Variants in CDHR2 observed in about 807,000 individuals in gnomAD.
CDHR2 encodes the protein cadherin-related family member 2.
In CDHR2, 104 loss-of-function variants were observed where a neutral mutation model predicts 138.6. The ratio of observed to expected loss-of-function variants is 0.75; its 90% CI spans 0.64 to 0.88. The LOEUF (loss-of-function observed/expected upper bound fraction) is 0.88. Among genes scored for constraint, CDHR2 ranks in the 40% least tolerant of loss-of-function variants. The pLI, the probability that CDHR2 is intolerant of heterozygous loss-of-function variation, is 0.00. For synonymous variants in CDHR2, 755 were observed against 742.8 expected (o/e 1.02, Z -0.27); for missense variants, 1,624 against 1,727.6 (o/e 0.94, Z 1.06).
chr5:176,562,902 A>G (rs548139789), intron 1 of CDHR2, among the ~76,000 whole-genome samples: 5 of 152,326 alleles, frequency 3.3e-5, no homozygotes, highest in Admixed American at 2.6e-4. Flanking sequence ...TAACATGTAA[A>G]TGTATTACAA....
chr5:176,582,053 CT>C (rs1168570651), intron 17 of CDHR2, among the ~76,000 whole-genome samples: 5 of 152,184 alleles, frequency 3.3e-5, no homozygotes, highest in Admixed American at 2.0e-4. Flanking sequence ...CAGGGTCTCC[CT>C]TTGTCACCCA....
Position 176,581,389 on chromosome 5 carries a change from T to G in CDHR2, c.1865T>G (p.Phe622Cys). Residue 622 changes from phenylalanine (F) to cysteine (C), a missense_variant, in exon 17 of 32, where the codon TTC (phenylalanine) becomes TGC (cysteine). Physicochemically the swap from Phe to Cys is radical, Grantham distance 205. This residue lies in a region of CDHR2 where 1,061 missense variants were observed against 1,136.6 expected (regional missense o/e 0.93). Coordinates refer to ENST00000261944, the MANE Select transcript of CDHR2 (RefSeq NM_017675.6). ...EPGTNNSRLL[F>C]NLLPGPYSHN... ...GGCACCAACAACAGCCGTCTGCTCT[T>G]CAACCTGCTGCCTGGCCCCTACAGC... The G allele has an allele frequency of 6.2e-7, 1 of 1,614,066 alleles. No individual in the cohort carries two copies. The highest frequency in any genetic ancestry group is 8.5e-7 in the Non-Finnish European group (1 of 1,180,026).
chr5:176,591,349 A>G, intron 29 of CDHR2, 26 bp downstream of exon 29: 1 of 1,611,246 alleles, frequency 6.2e-7, no homozygotes, highest in Non-Finnish European at 8.5e-7. Flanking sequence ...AGGGTAGGTA[A>G]GAGGCCTGGT....
chr5:176,571,164 G>A (rs1176016773), intron 5 of CDHR2, 49 bp from the exon 6 acceptor site: 1 of 1,289,318 alleles, frequency 7.8e-7, no homozygotes, highest in Non-Finnish European at 1.1e-6. Flanking sequence ...AACTTTTCTG[G>A]TGTTTTAAAT....
chr5:176,573,367 C>T (rs757896202), intron 6 of CDHR2, among the ~76,000 whole-genome samples: 11 of 152,036 alleles, frequency 7.2e-5, no homozygotes, highest in East Asian at 3.9e-4. Context: ...TGGCTGGGCA[C>T]GGTGGCTCAC....
chr5:176,594,104 T>C (rs1231930847), intron 31 of CDHR2, among the ~76,000 whole-genome samples: 4 of 152,070 alleles, frequency 2.6e-5, no homozygotes, highest in South Asian at 2.1e-4. Context: ...GCTGGATCTG[T>C]GGACTGGGAA....
intron 1 of CDHR2, among the ~76,000 whole-genome samples, chr5:176,555,388 G>A (rs865954167): frequency 7.9e-5 from 12 of 152,336 alleles, no homozygotes; most frequent in Middle Eastern, 3.4e-3. Flanking sequence ...ACTTTCAGCT[G>A]TGAGGGCCTC....
intron 31 of CDHR2, among the ~76,000 whole-genome samples, chr5:176,594,229 T>A (rs1758962040): frequency 6.6e-6 from 1 of 152,016 alleles, no homozygotes; most frequent in Non-Finnish European, 1.5e-5. Flanking sequence ...GTTGCTATAT[T>A]TCTGAGAAGC....
chr5:176,575,550 C>T lies in CDHR2; in HGVS notation c.813C>T (p.Gly271=). 2 of 1,614,130 alleles carry T rather than the reference C, an allele frequency of 1.2e-6. No homozygotes were observed. Among genetic ancestry groups the T allele is most frequent in the Non-Finnish European group, 1.7e-6 (2 of 1,180,010 alleles). Reference sequence around the variant, plus strand: ...TGGAGGCTGTGGATGGCGACAAAGGCATCAATGACCCTGTGATCTACAGCA... The same window carrying T: ...TGGAGGCTGTGGATGGCGACAAAGGTATCAATGACCCTGTGATCTACAGCA... The part of the protein sequence containing the change: ...LTVEAVDGDK[G]INDPVIYSIS... The change falls in exon 10 of 32, where the codon GGC becomes GGT. Residue 271 remains glycine (G), a synonymous_variant. Coordinates refer to ENST00000261944, the MANE Select transcript of CDHR2 (RefSeq NM_017675.6).
chr5:176,576,187 C>T lies in CDHR2; in HGVS notation c.1194+2C>T. On this transcript the variant is annotated splice_donor_variant, in intron 12 of 31. Transcript: ENST00000261944. LOFTEE classifies it low-confidence loss of function (GC_TO_GT_DONOR). This position sits in a 1 kb window ranked among gnomAD's most constrained non-coding sequence, Gnocchi z 4.5. ...ATGGTGGTCTACGACCCGGACAAGG[C>T]AGGCGTGGTGGCGTGGGTGTGGGCG... The T allele has an allele frequency of 6.2e-7, 1 of 1,605,908 alleles. No individual in the cohort carries two copies. The highest frequency in any genetic ancestry group is 8.5e-7 in the Non-Finnish European group (1 of 1,176,160).
rs113712553 is a variant in CDHR2 at position 176,591,618 on chromosome 5, A to G, written c.3734+134A>G. The G allele has an allele frequency of 5.1e-3, 3,435 of 674,138 alleles. 91 individuals carry two copies. The African/African-American group carries it at 0.056, about 11-fold the overall frequency. The allele number at this position is 674,138 out of a possible 1,614,324, so 41.8% of individuals were successfully genotyped here. A position where few individuals can be genotyped will look rare whatever the true frequency, so the allele number is the denominator to read the frequency against. ...TGTGGTCATGGTAGTAGTGGTAGTT[A>G]TGGTGGTGGTGGTGATGGTAGTGAG... is the stretch of plus-strand genomic sequence containing the variant. On this transcript the variant is annotated intron_variant, in intron 30 of 31. Coordinates refer to ENST00000261944, the MANE Select transcript of CDHR2 (RefSeq NM_017675.6).
intron 12 of CDHR2, 59 bp from the exon 13 acceptor site, chr5:176,577,340 G>A (rs1426342449): frequency 4.5e-6 from 7 of 1,538,654 alleles, no homozygotes; most frequent in Non-Finnish European, 6.2e-6. Context: ...GGGACTGGGG[G>A]AAGATGCAGG....
intron 30 of CDHR2, 146 bp from the exon 31 acceptor site, chr5:176,592,574 ATGG>A: frequency 1.5e-6 from 1 of 665,356 alleles, no homozygotes; most frequent in South Asian, 1.7e-5. Flanking sequence ...GGTAGTGATG[ATGG>A]TAGTTGTGAT....
At position 176,578,832 on chromosome 5, in the gene CDHR2, C is replaced by CCA. The variant is rs559441856; in HGVS notation, c.1818+225_1818+226dup. On this transcript the variant is annotated intron_variant, in intron 16 of 31. Transcript: ENST00000261944. ...TGTGAGGAGCTCAGCACTGGGCCTG[C>CCA]CAGAGAAATCCCTCAAAAACATACA... Among the ~76,000 whole-genome samples the CCA allele has an allele frequency of 1.8e-3, 267 of 152,254 alleles. 1 individual carries two copies. The highest frequency in any genetic ancestry group is 6.1e-3 in the African/African-American group (254 of 41,538).
At chr5:176,565,816 G>A (rs866411428) in intron 3 of CDHR2, 73 bp downstream of exon 3, 3 of 1,144,892 alleles carry the variant, frequency 2.6e-6, no homozygotes, top group Middle Eastern at 4.0e-4. Flanking sequence ...GCCCTCTGGA[G>A]CCCCCACCAT....
intron 1 of CDHR2, among the ~76,000 whole-genome samples, chr5:176,562,455 A>G (rs4867839): frequency 0.46 from 69,816 of 151,594 alleles, 16,631 homozygotes; most frequent in Admixed American, 0.54. Flanking sequence ...AGGGGTGGGC[A>G]GTGTGAGGGA....
rs918391222 is a variant in CDHR2 at position 176,567,195 on chromosome 5, G to T, written c.124+1452G>T. 1.4e-5 allele frequency: 5 copies of T among 347,284 alleles called. No homozygotes were observed. The Admixed American group carries it at 1.9e-4, about 13-fold the overall frequency. The allele number at this position is 347,284 out of a possible 1,614,324, so 21.5% of individuals were successfully genotyped here. A position where few individuals can be genotyped will look rare whatever the true frequency, so the allele number is the denominator to read the frequency against. On this transcript the variant is annotated intron_variant, in intron 3 of 31. Coordinates refer to ENST00000261944, the MANE Select transcript of CDHR2 (RefSeq NM_017675.6). ...GACTTTTTTTTTTTTTTGAGACAGG[G>T]TCTGGCTCTGTCCCCCAGGCTGGAG... is the stretch of plus-strand genomic sequence containing the variant.
Position 176,578,444 on chromosome 5 carries a change from GCCGTGTACTA to G in CDHR2, c.1657_1666del (p.Val553Ter), listed in dbSNP as rs746486586. On this transcript the variant is annotated frameshift_variant, in exon 16 of 32. Coordinates refer to ENST00000261944, the MANE Select transcript of CDHR2 (RefSeq NM_017675.6). LOFTEE classifies it high-confidence loss of function. ...TGAGCTGCTGGACCGGGAGAGCCAG[GCCGTGTACTA>G]CCTGACGCTGCAGGCCACAGACGGC... 2 of 1,613,946 alleles carry G rather than the reference GCCGTGTACTA, an allele frequency of 1.2e-6. No homozygotes were observed. Among genetic ancestry groups the G allele is most frequent in the Non-Finnish European group, 1.7e-6 (2 of 1,179,874 alleles).
At chr5:176,560,409 A>T (rs76763158) in intron 1 of CDHR2, among the ~76,000 whole-genome samples, 27 of 138,528 alleles carry the variant, frequency 1.9e-4, no homozygotes, top group African/African-American at 3.4e-4. Flanking sequence ...TAAATAAATT[A>T]AAAAAAAAAA....
Sources: allele counts gnomAD v4.1 joint callset (sites outside exome capture counted in the v4.1 genomes callset), GRCh38; gene constraint gnomAD v4.1.1; regional missense constraint gnomAD v4.1.1; non-coding constraint Gnocchi (gnomAD v3.1); transcripts MANE v1.5; gene names NCBI Gene and HGNC (gene_info 2026-07-23, HGNC 2026-07-21).